The following NRG1 variants were observed in gnomAD, a reference collection of about 807,000 sequenced individuals.
The protein encoded by NRG1 is pro-neuregulin-1, membrane-bound isoform.
A neutral mutation model predicts 63.8 loss-of-function variants in NRG1; 18 were observed. The ratio of observed to expected loss-of-function variants is 0.28; its 90% CI spans 0.19 to 0.42. The LOEUF is 0.42. NRG1 is among the 10% of genes least tolerant of loss of function. The pLI is 1.00. For missense variants in NRG1, 762 were observed against 814.7 expected (o/e 0.94, Z 0.79); for synonymous variants, 302 against 301.3 (o/e 1.00, Z -0.02).
At chr8:32,668,263 C>T (rs1284456702) in intron 5 of NRG1, among the ~76,000 whole-genome samples, 2 of 151,886 alleles carry the variant, frequency 1.3e-5, no homozygotes, top group Non-Finnish European at 2.9e-5. Flanking sequence ...CCATATCCCC[C>T]TTTTGCAACT....
intron 1 of NRG1, among the ~76,000 whole-genome samples, chr8:32,057,183 C>G (rs542467419): frequency 8.5e-5 from 13 of 152,256 alleles, no homozygotes; most frequent in Admixed American, 8.5e-4. Context: ...ATATGGCAAG[C>G]ACTTCTAATT....
intron 1 of NRG1, among the ~76,000 whole-genome samples, chr8:32,384,061 C>T (rs1810689089): frequency 6.6e-6 from 1 of 152,058 alleles, no homozygotes; most frequent in African/African-American, 2.4e-5. Context: ...ATAGGGAGAA[C>T]TTGTCTCTAG....
chr8:31,973,720 G>A (rs1323385386), intron 1 of NRG1, among the ~76,000 whole-genome samples: 1 of 152,184 alleles, frequency 6.6e-6, no homozygotes, highest in Non-Finnish European at 1.5e-5. Context: ...CCTGGAGTAG[G>A]GAGAGGATAG....
At chr8:32,737,302 C>T (rs901369261) in intron 6 of NRG1, among the ~76,000 whole-genome samples, 1 of 152,122 alleles carries the variant, frequency 6.6e-6, no homozygotes, top group Non-Finnish European at 1.5e-5. Flanking sequence ...GTAATCCCAG[C>T]ACTTTGCGAG....
chr8:31,741,389 G>C (rs1815254076), intron 1 of NRG1, among the ~76,000 whole-genome samples: 1 of 151,738 alleles, frequency 6.6e-6, no homozygotes, highest in African/African-American at 2.4e-5. Flanking sequence ...TAAATAAATA[G>C]ATAAATAAAT....
At chr8:31,918,563 T>C (rs1833613338) in intron 1 of NRG1, among the ~76,000 whole-genome samples, 1 of 152,144 alleles carries the variant, frequency 6.6e-6, no homozygotes. Flanking sequence ...CACTTGATCA[T>C]GGTGGATAAG....
intron 6 of NRG1, among the ~76,000 whole-genome samples, chr8:32,739,371 T>C (rs982390307): frequency 6.6e-6 from 1 of 152,178 alleles, no homozygotes; most frequent in Admixed American, 6.5e-5. Context: ...AACAGGGTCT[T>C]ATAACACTAA....
intron 1 of NRG1, among the ~76,000 whole-genome samples, chr8:32,083,783 A>ATT (rs5890622): frequency 5.3e-5 from 8 of 151,962 alleles, no homozygotes; most frequent in South Asian, 4.1e-4. Context: ...GTATATATGT[A>ATT]TTTTTTTAAT....
chr8:31,652,183 A>AC (rs1804917489), intron 1 of NRG1, among the ~76,000 whole-genome samples: 1 of 152,062 alleles, frequency 6.6e-6, no homozygotes, highest in Non-Finnish European at 1.5e-5. Flanking sequence ...GTTACCTCAA[A>AC]CCAGATACCT....
intron 1 of NRG1, among the ~76,000 whole-genome samples, chr8:32,071,729 T>G (rs1825784125): frequency 6.6e-6 from 1 of 152,186 alleles, no homozygotes; most frequent in Non-Finnish European, 1.5e-5. Context: ...CAGTGGTGTT[T>G]GAGAGAAGCA....
rs552329249 is a variant in NRG1, at chr8:31,647,985, AC to A, written c.37+8557del. On this transcript the variant is annotated intron_variant, in intron 1 of 10. Coordinates refer to the NRG1 transcript ENST00000519301. ...CATTAAGTATTTGCATTGTTGTGTA[AC>A]CCTCACTGCAATCCATCTCCAGATA... Among the ~76,000 whole-genome samples, 11 of 152,060 alleles carry A rather than the reference AC, an allele frequency of 7.2e-5. No homozygotes were observed. The East Asian group carries it at 1.9e-3, about 27-fold the overall frequency.
At chr8:32,608,744 A>G (rs980417385) in intron 3 of NRG1, among the ~76,000 whole-genome samples, 10 of 151,726 alleles carry the variant, frequency 6.6e-5, no homozygotes, top group African/African-American at 2.4e-4. Context: ...TATGCTTCTG[A>G]TAGTTTTAAC....
At chr8:32,290,781 CCTTATT>C (rs1361226977) in intron 1 of NRG1, among the ~76,000 whole-genome samples, 62 of 152,236 alleles carry the variant, frequency 4.1e-4, no homozygotes, top group Admixed American at 3.0e-3. Flanking sequence ...TTCCTACTCA[CCTTATT>C]CTTATGTCTA....
intron 1 of NRG1, among the ~76,000 whole-genome samples, chr8:32,327,485 C>T (rs2129477318): frequency 6.6e-6 from 1 of 152,232 alleles, no homozygotes; most frequent in Admixed American, 6.5e-5. Flanking sequence ...ATTGGATGGC[C>T]TATTTTAAGG....
intron 1 of NRG1, among the ~76,000 whole-genome samples, chr8:32,301,943 C>A (rs572000226): frequency 6.6e-6 from 1 of 152,170 alleles, no homozygotes; most frequent in Admixed American, 6.5e-5. Context: ...GAGAAGGGTG[C>A]GGTGTGCTGA....
intron 1 of NRG1, among the ~76,000 whole-genome samples, chr8:31,670,742 A>G (rs1168923008): frequency 6.6e-6 from 1 of 152,132 alleles, no homozygotes; most frequent in Non-Finnish European, 1.5e-5. Context: ...AGTGTCATGA[A>G]AACCAAGAGA....
intron 1 of NRG1, among the ~76,000 whole-genome samples, chr8:32,357,760 C>T (rs956617895): frequency 2.0e-5 from 3 of 152,146 alleles, no homozygotes; most frequent in Admixed American, 6.5e-5. Flanking sequence ...TAGTTGGAAG[C>T]CTCTGTGCCA....
intron 1 of NRG1, among the ~76,000 whole-genome samples, chr8:31,655,007 A>C (rs1805290076): frequency 6.6e-6 from 1 of 152,162 alleles, no homozygotes; most frequent in African/African-American, 2.4e-5. Flanking sequence ...TCCAAATCCC[A>C]TTCCTTTCCC....
intron 1 of NRG1, among the ~76,000 whole-genome samples, chr8:32,492,423 CTT>C (rs33989637): frequency 3.4e-5 from 5 of 146,894 alleles, no homozygotes; most frequent in African/African-American, 7.5e-5. Flanking sequence ...TCCCTTTCAT[CTT>C]TTTTTTTTTT....
Sources: gnomAD v4.1 joint callset for allele counts (sites outside exome capture counted in the v4.1 genomes callset) on GRCh38, gnomAD v4.1.1 for gene constraint, MANE v1.5 for transcripts, NCBI Gene and HGNC (gene_info 2026-07-23, HGNC 2026-07-21) for gene names.